The following RIPK1 variants were observed in gnomAD, a reference collection of about 807,000 sequenced individuals.
RIPK1 encodes the protein receptor interacting serine/threonine kinase 1, also known as receptor-interacting serine/threonine-protein kinase 1.
A neutral mutation model predicts 62.4 loss-of-function variants in RIPK1; 27 were observed. The observed-to-expected ratio is 0.43, with a 90% CI of 0.32 to 0.60. RIPK1 has a LOEUF of 0.60. Among genes scored for constraint, RIPK1 ranks in the 20% least tolerant of loss-of-function variants. RIPK1 has a pLI of 0.07. For synonymous variants in RIPK1, 287 were observed against 303.2 expected (o/e 0.95, Z 0.55); for missense variants, 735 against 831.0 (o/e 0.88, Z 1.42).
intron 4 of RIPK1, among the ~76,000 whole-genome samples, chr6:3,082,093 T>C (rs1405770387): frequency 1.3e-5 from 2 of 151,996 alleles, no homozygotes; most frequent in African/African-American, 2.4e-5. Flanking sequence ...GGGAGTGTCA[T>C]ATCTAATTGG....
Position 3,081,071 on chromosome 6 carries a change from C to G in RIPK1, c.414C>G (p.Asp138Glu), listed in dbSNP as rs934053809. Reference sequence around the variant, plus strand: ...ATGGAAAAGGCGTGATACACAAGGACCTGAAGCCTGAAAATATCCTTGTTG... The same window carrying G: ...ATGGAAAAGGCGTGATACACAAGGAGCTGAAGCCTGAAAATATCCTTGTTG... Reference protein sequence around the residue: ...YLHGKGVIHKDLKPENILVDN... With the variant: ...YLHGKGVIHKELKPENILVDN... The change falls in exon 4 of 11, where the codon GAC becomes GAG. Residue 138 changes from aspartate to glutamate, a missense_variant. Transcript: ENST00000259808. 1 of 1,614,136 alleles carries G rather than the reference C, an allele frequency of 6.2e-7. No individual in the cohort carries two copies. Among genetic ancestry groups the G allele is most frequent in the African/African-American group, 1.3e-5 (1 of 75,040 alleles).
At chr6:3,100,597 T>C (rs1760542790) in intron 7 of RIPK1, among the ~76,000 whole-genome samples, 1 of 152,108 alleles carries the variant, frequency 6.6e-6, no homozygotes, top group African/African-American at 2.4e-5. Flanking sequence ...GGGGGTTTTT[T>C]TGGTTTTCTT....
intron 7 of RIPK1, among the ~76,000 whole-genome samples, chr6:3,089,981 C>T (rs1759940048): frequency 6.6e-6 from 1 of 152,190 alleles, no homozygotes; most frequent in African/African-American, 2.4e-5. Context: ...CAGAATTATT[C>T]TGCTGAGACA....
upstream of RIPK1, among the ~76,000 whole-genome samples, chr6:3,067,043 G>C (rs1369163482): frequency 8.0e-6 from 1 of 124,400 alleles, no homozygotes; most frequent in Non-Finnish European, 1.6e-5. Context: ...ATTTAGGATT[G>C]CTCCAGGATT....
intron 7 of RIPK1, among the ~76,000 whole-genome samples, chr6:3,090,393 G>C (rs1224505947): frequency 6.6e-6 from 1 of 152,064 alleles, no homozygotes; most frequent in Non-Finnish European, 1.5e-5. Flanking sequence ...AACAGGCAGA[G>C]ACTTTAAAAT....
chr6:3,078,558 T>A (rs182038438), intron 3 of RIPK1, among the ~76,000 whole-genome samples: 1 of 152,320 alleles, frequency 6.6e-6, no homozygotes, highest in Non-Finnish European at 1.5e-5. Flanking sequence ...GCAGACATCA[T>A]CTGATGTAGA....
chr6:3,108,072 C>G (rs1760954838), intron 9 of RIPK1, among the ~76,000 whole-genome samples: 1 of 151,748 alleles, frequency 6.6e-6, no homozygotes, highest in South Asian at 2.1e-4. Flanking sequence ...TCTAATTTGC[C>G]ATACCATAGA....
At chr6:3,085,464 T>C in intron 6 of RIPK1, 56 bp downstream of exon 6, 1 of 1,572,404 alleles carries the variant, frequency 6.4e-7, no homozygotes, top group Non-Finnish European at 8.7e-7. Context: ...ATTTTCCTAG[T>C]AACATATTGT....
chr6:3,097,910 T>A (rs1760396764), intron 7 of RIPK1, among the ~76,000 whole-genome samples: 1 of 152,118 alleles, frequency 6.6e-6, no homozygotes, highest in Non-Finnish European at 1.5e-5. Flanking sequence ...ATTAAGAGAA[T>A]GGAGGCAGGG....
Position 3,072,448 on chromosome 6 carries a change from T to C in RIPK1, c.-61+3787T>C, listed in dbSNP as rs559527146. Among the ~76,000 whole-genome samples the C allele has an allele frequency of 7.9e-5, 12 of 152,150 alleles. No homozygotes were observed. The highest frequency in any genetic ancestry group is 1.3e-4 in the Non-Finnish European group (9 of 68,040). On this transcript the variant is annotated intron_variant, in intron 1 of 10. Coordinates refer to ENST00000259808, the MANE Select transcript of RIPK1 (RefSeq NM_001354930.2). The surrounding 1 kb of genome is among the most constrained non-coding windows in gnomAD (Gnocchi z 5.6). ...AATATAATTTTTACAGATTTATTCGTCAAAAACAATTTTGAATGGCTATAT... is the reference window on the plus strand; with the variant it reads ...AATATAATTTTTACAGATTTATTCGCCAAAAACAATTTTGAATGGCTATAT...
chr6:3,072,153 T>C lies in RIPK1; in HGVS notation c.-61+3492T>C, dbSNP rs987996211. On this transcript the variant is annotated intron_variant, in intron 1 of 10. Coordinates refer to ENST00000259808, the MANE Select transcript of RIPK1 (RefSeq NM_001354930.2). This position sits in a 1 kb window ranked among gnomAD's most constrained non-coding sequence, Gnocchi z 5.6. Reference sequence around the variant, plus strand: ...CAGGAACAGCTTTGCACATAATCTTTATCAGCATCTCTGATTTGATCCCTC... The same window carrying C: ...CAGGAACAGCTTTGCACATAATCTTCATCAGCATCTCTGATTTGATCCCTC... 9.9e-5 allele frequency among the ~76,000 whole-genome samples: 15 copies of C among 152,228 alleles called. No homozygotes were observed. Among genetic ancestry groups the C allele is most frequent in the Non-Finnish European group, 2.1e-4 (14 of 68,040 alleles).
chr6:3,076,240 C>A (rs1337864476), intron 1 of RIPK1, among the ~76,000 whole-genome samples: 1 of 152,096 alleles, frequency 6.6e-6, no homozygotes, highest in Non-Finnish European at 1.5e-5. Context: ...AATAAAAAGG[C>A]TGAGGGAATA....
At chr6:3,100,384 A>G (rs574930543) in intron 7 of RIPK1, among the ~76,000 whole-genome samples, 36 of 151,898 alleles carry the variant, frequency 2.4e-4, no homozygotes, top group Non-Finnish European at 3.1e-4. Context: ...AGATTGTGCC[A>G]CTACACTCCA....
Position 3,080,870 on chromosome 6 carries a change from C to T in RIPK1, c.322-109C>T, listed in dbSNP as rs369145767. ...CTGTGGTGCACCTGCTGGAAGGAAA[C>T]CTGGTAACCTTCTCCTCAGGCTCAG... On this transcript the variant is annotated intron_variant, in intron 3 of 10. Coordinates refer to ENST00000259808, the MANE Select transcript of RIPK1 (RefSeq NM_001354930.2). 31 of 1,029,874 alleles carry T rather than the reference C, an allele frequency of 3.0e-5. No individual in the cohort carries two copies. The African/African-American group carries it at 3.9e-4, about 13-fold the overall frequency. The allele number at this position is 1,029,874 out of a possible 1,614,324, so 63.8% of individuals were successfully genotyped here.
chr6:3,070,003 CTG>C, intron 1 of RIPK1, among the ~76,000 whole-genome samples: 1 of 151,614 alleles, frequency 6.6e-6, no homozygotes, highest in Admixed American at 6.6e-5. Context: ...GAGGGAGACT[CTG>C]TATCAAAAAA....
chr6:3,070,063 A>G (rs1259804996), intron 1 of RIPK1, among the ~76,000 whole-genome samples: 2 of 152,210 alleles, frequency 1.3e-5, no homozygotes, highest in Non-Finnish European at 2.9e-5. Flanking sequence ...CTATTCACAA[A>G]AAGTGAAGAC....
chr6:3,080,328 A>T (rs1029851545), intron 3 of RIPK1, among the ~76,000 whole-genome samples: 1 of 152,336 alleles, frequency 6.6e-6, no homozygotes, highest in Middle Eastern at 3.4e-3. Context: ...GTTAGTATTG[A>T]TGCTCACATA....
chr6:3,094,864 C>G (rs1473802187), intron 7 of RIPK1, among the ~76,000 whole-genome samples: 1 of 151,736 alleles, frequency 6.6e-6, no homozygotes, highest in African/African-American at 2.4e-5. Flanking sequence ...GAGTTTGAGA[C>G]CAGCCTAGGC....
chr6:3,082,164 C>T (rs576869391), intron 4 of RIPK1, among the ~76,000 whole-genome samples: 1 of 152,092 alleles, frequency 6.6e-6, no homozygotes, highest in Non-Finnish European at 1.5e-5. Context: ...GGAAGCAGCC[C>T]TGGGGGAGGC....
Sources: allele counts gnomAD v4.1 joint callset (sites outside exome capture counted in the v4.1 genomes callset), GRCh38; gene constraint gnomAD v4.1.1; non-coding constraint Gnocchi (gnomAD v3.1); transcripts MANE v1.5; gene names NCBI Gene and HGNC (gene_info 2026-07-23, HGNC 2026-07-21).